CNTN1: variants seen among roughly 807,000 people sequenced by gnomAD.
CNTN1 encodes contactin-1.
A neutral mutation model predicts 126.4 loss-of-function variants in CNTN1; 38 were observed. That is an observed-to-expected ratio of 0.30 (90% CI 0.23 to 0.39). CNTN1 has a LOEUF of 0.39. CNTN1 is among the 10% of genes least tolerant of loss of function. The pLI, the probability that CNTN1 is intolerant of heterozygous loss-of-function variation, is 1.00. For missense variants in CNTN1, 1,009 were observed against 1,248.4 expected, an observed-to-expected ratio of 0.81 and a Z score of 2.89; for synonymous variants, 413 against 422.6, an observed-to-expected ratio of 0.98 and a Z score of 0.28.
chr12:41,000,513 T>C (rs1156676349), intron 17 of CNTN1, among the ~76,000 whole-genome samples: 1 of 152,170 alleles, frequency 6.6e-6, no homozygotes, highest in Non-Finnish European at 1.5e-5. Context: ...TTTAACCCTG[T>C]GTAGTCAGTT....
intron 1 of CNTN1, among the ~76,000 whole-genome samples, chr12:40,805,476 A>G (rs1565761006): frequency 6.6e-6 from 1 of 152,080 alleles, no homozygotes; most frequent in African/African-American, 2.4e-5. Context: ...CTTAATTTCT[A>G]ATATTATCTT....
intron 15 of CNTN1, among the ~76,000 whole-genome samples, chr12:40,962,258 C>T (rs1211235572): frequency 1.3e-5 from 2 of 151,672 alleles, no homozygotes; most frequent in Non-Finnish European, 2.9e-5. Flanking sequence ...TGTGTGTGTG[C>T]GTGTGTGTGC....
At chr12:40,868,005 G>C (rs1238381444) in intron 1 of CNTN1, among the ~76,000 whole-genome samples, 1 of 151,666 alleles carries the variant, frequency 6.6e-6, no homozygotes, top group Admixed American at 6.6e-5. Flanking sequence ...TTTGGGACCT[G>C]TTGTAATTTC....
intron 1 of CNTN1, among the ~76,000 whole-genome samples, chr12:40,784,489 A>G (rs1939930017): frequency 6.6e-6 from 1 of 151,890 alleles, no homozygotes; most frequent in Admixed American, 6.6e-5. Flanking sequence ...CAGGTTATAA[A>G]TGAAAAACTC....
chr12:40,898,228 A>G (rs1944483975), intron 1 of CNTN1, among the ~76,000 whole-genome samples: 1 of 152,146 alleles, frequency 6.6e-6, no homozygotes, highest in Admixed American at 6.6e-5. Flanking sequence ...TAATTTAGAA[A>G]TTCCCTCCCT....
At chr12:41,015,638 A>G (rs1948763062) in intron 18 of CNTN1, among the ~76,000 whole-genome samples, 1 of 151,990 alleles carries the variant, frequency 6.6e-6, no homozygotes, top group Non-Finnish European at 1.5e-5. Flanking sequence ...ATATCTTCCT[A>G]TTTAATATAA....
intron 1 of CNTN1, among the ~76,000 whole-genome samples, chr12:40,872,832 T>C (rs1215630235): frequency 6.6e-6 from 1 of 152,208 alleles, no homozygotes; most frequent in East Asian, 1.9e-4. Flanking sequence ...AATGCCGGGA[T>C]TACAGTCGTG....
At chr12:40,772,319 C>T (rs1033859741) in intron 1 of CNTN1, among the ~76,000 whole-genome samples, 2 of 151,972 alleles carry the variant, frequency 1.3e-5, no homozygotes, top group Non-Finnish European at 2.9e-5. Context: ...CAATCACGCT[C>T]ATTTGTTTGT....
intron 23 of CNTN1, among the ~76,000 whole-genome samples, chr12:41,030,287 T>G (rs1424927456): frequency 6.6e-6 from 1 of 152,024 alleles, no homozygotes; most frequent in Non-Finnish European, 1.5e-5. Context: ...AATGCCAGAG[T>G]ATTTAATGGT....
At chr12:40,756,296 G>A (rs1471015893) in intron 1 of CNTN1, among the ~76,000 whole-genome samples, 1 of 152,052 alleles carries the variant, frequency 6.6e-6, no homozygotes, top group East Asian at 1.9e-4. Flanking sequence ...GAGTGATCTG[G>A]GAAGAAAGAA....
In CNTN1 at chr12:40,936,691, T is replaced by C. The variant is rs1946091423; in HGVS notation, c.986-90T>C. 8 of 1,510,588 alleles carry C rather than the reference T, an allele frequency of 5.3e-6. No homozygotes were observed. The East Asian group carries it at 1.8e-4, about 35-fold the overall frequency. 93.6% of individuals were successfully genotyped at this position (1,510,588 alleles called of 1,614,324 possible). A position where few individuals can be genotyped will look rare whatever the true frequency, so the allele number is the denominator to read the frequency against. ...CACTATCTGATGTATTCTGCAGAATTAGGTTAACTAAATGTAATATTTATA... is the reference window on the plus strand; with the variant it reads ...CACTATCTGATGTATTCTGCAGAATCAGGTTAACTAAATGTAATATTTATA... On this transcript the variant is annotated intron_variant, in intron 9 of 23. Coordinates refer to ENST00000551295, the MANE Select transcript of CNTN1 (RefSeq NM_001843.4).
intron 1 of CNTN1, among the ~76,000 whole-genome samples, chr12:40,752,708 T>C (rs1001690638): frequency 6.6e-6 from 1 of 152,102 alleles, no homozygotes; most frequent in Admixed American, 6.6e-5. Context: ...TGTTTTACAA[T>C]GGTTTCACAA....
At chr12:40,885,171 G>T (rs368952918) in intron 1 of CNTN1, among the ~76,000 whole-genome samples, 6 of 151,786 alleles carry the variant, frequency 4.0e-5, no homozygotes, top group African/African-American at 7.2e-5. Context: ...CCACTTACTA[G>T]TACCAGAAAC....
chr12:40,988,737 G>T (rs1271677099), intron 16 of CNTN1, among the ~76,000 whole-genome samples: 1 of 152,126 alleles, frequency 6.6e-6, no homozygotes, highest in Non-Finnish European at 1.5e-5. Context: ...AAGAACTAAG[G>T]TCTCCTGCTT....
intron 17 of CNTN1, among the ~76,000 whole-genome samples, chr12:41,004,448 A>C (rs571432200): frequency 2.5e-4 from 38 of 152,320 alleles, no homozygotes; most frequent in African/African-American, 9.1e-4. Context: ...GTAGGTATCT[A>C]TCAGGTCCAT....
At chr12:40,919,699 G>A (rs1945368862) in intron 4 of CNTN1, among the ~76,000 whole-genome samples, 1 of 151,946 alleles carries the variant, frequency 6.6e-6, no homozygotes, top group Non-Finnish European at 1.5e-5. Context: ...GTTTTTTCCT[G>A]CCTTTGGCTA....
chr12:40,779,351 C>A (rs1446240314), intron 1 of CNTN1, among the ~76,000 whole-genome samples: 1 of 151,742 alleles, frequency 6.6e-6, no homozygotes, highest in African/African-American at 2.4e-5. Context: ...AGAACTTAAC[C>A]TTACTCACCT....
chr12:40,935,461 A>G (rs973572281), intron 9 of CNTN1, among the ~76,000 whole-genome samples: 4 of 152,050 alleles, frequency 2.6e-5, no homozygotes, highest in Admixed American at 6.6e-5. Context: ...TTCTTTACTA[A>G]TGCAGCATAC....
chr12:40,887,563 G>C (rs1233986562), intron 1 of CNTN1, among the ~76,000 whole-genome samples: 1 of 152,036 alleles, frequency 6.6e-6, no homozygotes, highest in East Asian at 1.9e-4. Context: ...TACACTGTTG[G>C]TGGGACTGTA....
Sources: gnomAD v4.1 joint callset for allele counts (sites outside exome capture counted in the v4.1 genomes callset) on GRCh38, gnomAD v4.1.1 for gene constraint, MANE v1.5 for transcripts, NCBI Gene and HGNC (gene_info 2026-07-23, HGNC 2026-07-21) for gene names.